The following PDK2 variants were observed in gnomAD, a reference collection of about 807,000 sequenced individuals.
PDK2 encodes pyruvate dehydrogenase kinase, isozyme 2.
A neutral mutation model predicts 50.4 loss-of-function variants in PDK2; 34 were observed. The ratio of observed to expected loss-of-function variants is 0.68; its 90% CI spans 0.51 to 0.90. The LOEUF is 0.90. Among genes scored for constraint, PDK2 ranks in the 40% least tolerant of loss-of-function variants. The probability of loss-of-function intolerance (pLI) is 0.00; values close to 1 mark genes in which losing one functional copy is unlikely to be tolerated. For missense variants in PDK2, 377 were observed against 544.5 expected (o/e 0.69, Z 3.06); for synonymous variants, 232 against 216.0 (o/e 1.07, Z -0.65).
At chr17:50,098,404 T>G (rs1014362295) in intron 2 of PDK2, 8 of 152,222 alleles carry the variant, frequency 5.3e-5, no homozygotes, top group African/African-American at 1.9e-4. Context: ...AGGCCTGTGA[T>G]CTTGAGGGAA....
At chr17:50,102,886 C>A (rs1262765576) in intron 2 of PDK2, among the ~76,000 whole-genome samples, 2 of 152,204 alleles carry the variant, frequency 1.3e-5, no homozygotes, top group African/African-American at 4.8e-5. Flanking sequence ...CCCGTGTTGG[C>A]CGTTGGCCAC....
In PDK2 at chr17:50,095,427, G is replaced by A; in HGVS notation, c.-9G>A. The stretch of plus-strand genomic sequence containing the variant: ...GGGGACCACAACCAAAGTCGCGGCC[G>A]CCGCAGCCATGCGCTGGGTGTGGGC... On this transcript the variant is annotated 5_prime_UTR_variant, in exon 1 of 11. Transcript: ENST00000503176. 1 of 1,589,476 alleles carries A rather than the reference G, an allele frequency of 6.3e-7. No individual in the cohort carries two copies. Among genetic ancestry groups the A allele is most frequent in the Non-Finnish European group, 8.6e-7 (1 of 1,166,244 alleles).
chr17:50,095,420 C>T lies in PDK2; in HGVS notation c.-16C>T, dbSNP rs772436126. On this transcript the variant is annotated 5_prime_UTR_variant, in exon 1 of 11. Coordinates refer to ENST00000503176, the MANE Select transcript of PDK2 (RefSeq NM_002611.5). ...CCCGCGCGGGGACCACAACCAAAGT[C>T]GCGGCCGCCGCAGCCATGCGCTGGG... 4.4e-6 allele frequency: 7 copies of T among 1,581,194 alleles called. No individual in the cohort carries two copies. Among genetic ancestry groups the T allele is most frequent in the African/African-American group, 4.0e-5 (3 of 74,204 alleles).
rs1466083413 is a variant in PDK2 at position 50,108,688 on chromosome 17, C to T, written c.938C>T (p.Thr313Ile). Reference protein sequence around the residue: ...LFSYMYSTAPTPQPGTGGTPL... With the variant: ...LFSYMYSTAPIPQPGTGGTPL... ...AGCTACATGTACTCCACAGCACCCA[C>T]CCCCCAGCCTGGCACCGGGGGAACG... The change falls in exon 9 of 11, where the codon ACC (threonine) becomes ATC (isoleucine). Residue 313 changes from threonine (T) to isoleucine (I), a missense_variant. Physicochemically the swap from Thr to Ile is moderately conservative, Grantham distance 89. Around this residue, in one of 3 missense-constraint regions of PDK2, gnomAD observed 214 missense variants for 294.0 expected, o/e 0.73. Transcript: ENST00000503176. 1 of 1,611,508 alleles carries T rather than the reference C, an allele frequency of 6.2e-7. No homozygotes were observed. Among genetic ancestry groups the T allele is most frequent in the Non-Finnish European group, 8.5e-7 (1 of 1,178,406 alleles).
chr17:50,107,051 C>T, intron 5 of PDK2, 25 bp from the exon 6 acceptor site: 4 of 1,609,848 alleles, frequency 2.5e-6, no homozygotes, highest in Non-Finnish European at 3.4e-6. Context: ...CCACCCATGC[C>T]CTGAATGACC....
rs1467793937 is a variant in PDK2, at chr17:50,111,499, C to G, written c.*1402C>G. The G allele has an allele frequency of 6.6e-6, 1 of 152,300 alleles. No individual in the cohort carries two copies. Among genetic ancestry groups the G allele is most frequent in the Non-Finnish European group, 1.5e-5 (1 of 68,092 alleles). 9.4% of individuals were successfully genotyped at this position (152,300 alleles called of 1,614,324 possible). On this transcript the variant is annotated 3_prime_UTR_variant, in exon 11 of 11. Transcript: ENST00000503176. ...ATATCTGTTTCCCTCCGAAGCCCCT[C>G]TCCCAGCACAGATAGCAGAGGGGGG... is the stretch of plus-strand genomic sequence containing the variant.
In PDK2 at chr17:50,110,943, C is replaced by G. The variant is rs1910800651; in HGVS notation, c.*846C>G. On this transcript the variant is annotated 3_prime_UTR_variant, in exon 11 of 11. Coordinates refer to ENST00000503176, the MANE Select transcript of PDK2 (RefSeq NM_002611.5). ...CTGTGTATATAGTTAGTTTTATAACCCTGAATGCCCCCACCCTTCCCCTAA... is the reference window on the plus strand; with the variant it reads ...CTGTGTATATAGTTAGTTTTATAACGCTGAATGCCCCCACCCTTCCCCTAA... 3 of 152,316 alleles carry G rather than the reference C, an allele frequency of 2.0e-5. No individual in the cohort carries two copies. The South Asian group carries it at 6.2e-4, about 32-fold the overall frequency. 9.4% of individuals were successfully genotyped at this position (152,316 alleles called of 1,614,324 possible). A position where few individuals can be genotyped will look rare whatever the true frequency, so the allele number is the denominator to read the frequency against.
chr17:50,109,846 C>G lies in PDK2; in HGVS notation c.1084-111C>G, dbSNP rs1321086786. On this transcript the variant is annotated intron_variant, in intron 10 of 10. Transcript: ENST00000503176. The surrounding 1 kb of genome is among the most constrained non-coding windows in gnomAD (Gnocchi z 5.0). ...GAGGGACCACCCTTTTGTGGTCTTT[C>G]CAGGCCCCCGTGTCTGGCAGCTGGG... 1.6e-6 allele frequency: 2 copies of G among 1,251,142 alleles called. No homozygotes were observed. Among genetic ancestry groups the G allele is most frequent in the African/African-American group, 3.0e-5 (2 of 66,008 alleles). The allele number at this position is 1,251,142 out of a possible 1,614,324, so 77.5% of individuals were successfully genotyped here.
Position 50,108,617 on chromosome 17 carries a change from T to C in PDK2, c.867T>C (p.Ser289=). Residue 289 remains serine, a synonymous_variant, in exon 9 of 11, where the codon AGT becomes AGC. Transcript: ENST00000503176. ...LGEEDLSIKM[S]DRGGGVPLRK... ...ACACATCCCATCTCTCCCAGATGAG[T>C]GACCGAGGTGGGGGTGTTCCCTTGA... is the stretch of plus-strand genomic sequence containing the variant. 1 of 1,610,464 alleles carries C rather than the reference T, an allele frequency of 6.2e-7. No homozygotes were observed. Among genetic ancestry groups the C allele is most frequent in the Non-Finnish European group, 8.5e-7 (1 of 1,178,134 alleles).
At chr17:50,099,716 C>A (rs1910125897) in intron 2 of PDK2, among the ~76,000 whole-genome samples, 1 of 152,240 alleles carries the variant, frequency 6.6e-6, no homozygotes, top group South Asian at 2.1e-4. Flanking sequence ...TGGCGTGAAC[C>A]CGGGAGGCGG....
chr17:50,095,315 G>A, upstream of PDK2: 1 of 637,532 alleles, frequency 1.6e-6, no homozygotes, highest in Non-Finnish European at 2.7e-6. Context: ...GATTGGCTGG[G>A]CGTTGGAATG....
intron 4 of PDK2, 99 bp downstream of exon 4, chr17:50,106,168 C>T: frequency 6.5e-7 from 1 of 1,535,752 alleles, no homozygotes; most frequent in Non-Finnish European, 8.8e-7. Context: ...TCTTCAGAAC[C>T]CCACAAAGGG....
rs1481207849 is a variant in PDK2, at chr17:50,106,857, A to G, written c.581A>G (p.Asn194Ser). ...AAACACATCGGCAGCATCGACCCCA[A>G]CTGCAACGTCTCTGAGGTGGTCAAA... ...HPKHIGSIDP[N>S]CNVSEVVKDA... Residue 194 changes from asparagine to serine, a missense_variant, in exon 5 of 11, where the codon AAC (asparagine) becomes AGC (serine). Asn to Ser is a conservative substitution (Grantham distance 46). This residue lies in a region of PDK2 where 214 missense variants were observed against 294.0 expected (regional missense o/e 0.73). Transcript: ENST00000503176. 3 of 1,613,890 alleles carry G rather than the reference A, an allele frequency of 1.9e-6. No individual in the cohort carries two copies. Among genetic ancestry groups the G allele is most frequent in the East Asian group, 4.5e-5 (2 of 44,896 alleles).
Position 50,106,838 on chromosome 17 carries a change from A to G in PDK2, c.562A>G (p.Ile188Val). 6.2e-7 allele frequency: 1 copy of G among 1,614,028 alleles called. No individual in the cohort carries two copies. Among genetic ancestry groups the G allele is most frequent in the Non-Finnish European group, 8.5e-7 (1 of 1,180,022 alleles). Residue 188 changes from isoleucine (I) to valine (V), a missense_variant, in exon 5 of 11, where the codon ATC becomes GTC. This residue lies in a region of PDK2 where 214 missense variants were observed against 294.0 expected (regional missense o/e 0.73). Transcript: ENST00000503176. ...GSTNPAHPKH[I>V]GSIDPNCNVS... ...CACCAACCCAGCCCATCCCAAACAC[A>G]TCGGCAGCATCGACCCCAACTGCAA...
chr17:50,105,458 G>A lies in PDK2; in HGVS notation c.332+16G>A. ...CCCTGAGCCAGTGAGTGGGGGCCCT[G>A]GGTGGGGCAGGAAGGCAGGTGTTGG... On this transcript the variant is annotated intron_variant, in intron 3 of 10. Coordinates refer to ENST00000503176, the MANE Select transcript of PDK2 (RefSeq NM_002611.5). 6.2e-7 allele frequency: 1 copy of A among 1,611,086 alleles called. No homozygotes were observed. The highest frequency in any genetic ancestry group is 1.3e-5 in the African/African-American group (1 of 74,888).
At chr17:50,097,387 T>G (rs756105775) in intron 1 of PDK2, 36 bp from the exon 2 acceptor site, 2 of 1,609,370 alleles carry the variant, frequency 1.2e-6, no homozygotes, top group Non-Finnish European at 1.7e-6. Flanking sequence ...TTTCATAGTC[T>G]GTGGCTCTGT....
rs1260839300 is a variant in PDK2, at chr17:50,111,978, C to G, written c.*1881C>G. ...GGACCCCCAGGTTTTGCCTCTCTGC[C>G]TGGCTGGGGTGAGGGCTGACCAGGT... On this transcript the variant is annotated 3_prime_UTR_variant, in exon 11 of 11. Transcript: ENST00000503176. 6.6e-6 allele frequency: 1 copy of G among 152,344 alleles called. No homozygotes were observed. Among genetic ancestry groups the G allele is most frequent in the African/African-American group, 2.4e-5 (1 of 41,426 alleles). 9.4% of individuals were successfully genotyped at this position (152,344 alleles called of 1,614,324 possible). A position where few individuals can be genotyped will look rare whatever the true frequency, so the allele number is the denominator to read the frequency against.
intron 2 of PDK2, among the ~76,000 whole-genome samples, chr17:50,097,971 T>C (rs1036860528): frequency 1.3e-5 from 2 of 152,210 alleles, no homozygotes; most frequent in Admixed American, 6.5e-5. Context: ...AGTTTTCAAA[T>C]ACATTATATA....
In PDK2 at chr17:50,110,155, G is replaced by T; in HGVS notation, c.*58G>T. 6.6e-7 allele frequency: 1 copy of T among 1,505,948 alleles called. No homozygotes were observed. The highest frequency in any genetic ancestry group is 8.9e-7 in the Non-Finnish European group (1 of 1,120,398). The allele number at this position is 1,505,948 out of a possible 1,614,324, so 93.3% of individuals were successfully genotyped here. A position where few individuals can be genotyped will look rare whatever the true frequency, so the allele number is the denominator to read the frequency against. The stretch of plus-strand genomic sequence containing the variant: ...ACTGCCGCCTCTGGGTCCCCCCACC[G>T]TGGTGCCCCTCACCATCCTCCTGGG... On this transcript the variant is annotated 3_prime_UTR_variant, in exon 11 of 11. Transcript: ENST00000503176.
Sources: allele counts gnomAD v4.1 joint callset (sites outside exome capture counted in the v4.1 genomes callset), GRCh38; gene constraint gnomAD v4.1.1; regional missense constraint gnomAD v4.1.1; non-coding constraint Gnocchi (gnomAD v3.1); transcripts MANE v1.5; gene names NCBI Gene and HGNC (gene_info 2026-07-23, HGNC 2026-07-21).